Variants in NRCAM observed in about 807,000 individuals in gnomAD.
The protein encoded by NRCAM is NgCAM-related cell adhesion molecule.
In NRCAM, 83 loss-of-function variants were observed where a neutral mutation model predicts 156.5. The ratio of observed to expected loss-of-function variants is 0.53; its 90% confidence interval spans 0.44 to 0.64. NRCAM has a LOEUF of 0.64. NRCAM is among the 30% of genes least tolerant of loss of function. NRCAM has a pLI of 0.00. For missense variants in NRCAM, 1,417 were observed against 1,597.3 expected, an observed-to-expected ratio of 0.89 and a Z score of 1.92; for synonymous variants, 538 against 563.9, an observed-to-expected ratio of 0.95 and a Z score of 0.65.
chr7:108,246,955 G>C (rs931097693), intron 3 of NRCAM, among the ~76,000 whole-genome samples: 27 of 152,124 alleles, frequency 1.8e-4, no homozygotes, highest in Non-Finnish European at 3.8e-4. Flanking sequence ...GAAAAGAGGT[G>C]TGATGACCAT....
At position 108,208,843 on chromosome 7, in the gene NRCAM, A is replaced by C. The variant is rs144489310; in HGVS notation, c.1075+578T>G. On this transcript the variant is annotated intron_variant, in intron 12 of 32. Coordinates refer to ENST00000379028, the MANE Select transcript of NRCAM (RefSeq NM_001037132.4). ...GAATATATGATATCAAACATGACTTATTATTATTGACGTTAACATTCATCA... is the reference window on the plus strand; with the variant it reads ...GAATATATGATATCAAACATGACTTCTTATTATTGACGTTAACATTCATCA... Among the ~76,000 whole-genome samples the C allele has an allele frequency of 4.7e-3, 720 of 152,248 alleles. 6 individuals carry two copies. The highest frequency in any genetic ancestry group is 0.016 in the African/African-American group (679 of 41,546).
At chr7:108,187,539 ATGTC>A (rs1158594125) in intron 20 of NRCAM, among the ~76,000 whole-genome samples, 1 of 151,572 alleles carries the variant, frequency 6.6e-6, no homozygotes, top group Non-Finnish European at 1.5e-5. Context: ...CTAGCTCCAC[ATGTC>A]TTTCTGCTGA....
intron 32 of NRCAM, among the ~76,000 whole-genome samples, chr7:108,158,413 G>A (rs574218775): frequency 5.3e-5 from 8 of 152,174 alleles, no homozygotes; most frequent in African/African-American, 1.9e-4. Context: ...TTCTCAATCA[G>A]TTCTACATTT....
At position 108,182,787 on chromosome 7, in the gene NRCAM, G is replaced by A; in HGVS notation, c.2438C>T (p.Thr813Ile). 6.2e-7 allele frequency: 1 copy of A among 1,614,224 alleles called. No homozygotes were observed. Among genetic ancestry groups the A allele is most frequent in the East Asian group, 2.2e-5 (1 of 44,890 alleles). The change falls in exon 23 of 33, where the codon ACC (threonine) becomes ATC (isoleucine). Residue 813 changes from threonine to isoleucine, a missense_variant. By Grantham distance (89) the Thr-to-Ile change is moderately conservative. Around this residue, in one of 2 missense-constraint regions of NRCAM, gnomAD observed 1,238 missense variants for 1,336.4 expected, o/e 0.93. Transcript: ENST00000379028. Reference protein sequence around the residue: ...VSKYIVSGTPTFVPYLIKVQA... With the variant: ...VSKYIVSGTPIFVPYLIKVQA... Reference sequence around the variant, plus strand: ...AACTTTGATCAGGTATGGAACAAAGGTTGGCGTGCCTGAGACAATATATTT... The same window carrying A: ...AACTTTGATCAGGTATGGAACAAAGATTGGCGTGCCTGAGACAATATATTT...
At chr7:108,254,573 G>A (rs2096539051) in intron 3 of NRCAM, among the ~76,000 whole-genome samples, 1 of 107,888 alleles carries the variant, frequency 9.3e-6, no homozygotes, top group Non-Finnish European at 1.8e-5. Context: ...TTTTGAGATG[G>A]AACTAGCTCT....
chr7:108,334,432 C>T (rs1274238457), intron 2 of NRCAM, among the ~76,000 whole-genome samples: 7 of 152,140 alleles, frequency 4.6e-5, no homozygotes, highest in South Asian at 2.1e-4. Context: ...CCTACGACTC[C>T]GAATTGATCT....
chr7:108,156,024 GT>G (rs1284713375), intron 32 of NRCAM, among the ~76,000 whole-genome samples: 1 of 151,976 alleles, frequency 6.6e-6, no homozygotes, highest in Non-Finnish European at 1.5e-5. Context: ...TTTTCCTGTT[GT>G]TACCACCCTC....
chr7:108,207,387 A>T, intron 13 of NRCAM, 141 bp downstream of exon 13: 1 of 691,998 alleles, frequency 1.4e-6, no homozygotes, highest in Non-Finnish European at 2.4e-6. Flanking sequence ...TAAAATGCAA[A>T]GGTAATTTGG....
chr7:108,295,091 A>C (rs890786097), intron 3 of NRCAM, among the ~76,000 whole-genome samples: 43 of 152,318 alleles, frequency 2.8e-4, no homozygotes, highest in African/African-American at 9.4e-4. Context: ...ATTGTCAAGT[A>C]TTTTGCAGCC....
intron 2 of NRCAM, among the ~76,000 whole-genome samples, chr7:108,383,614 C>T (rs2099712936): frequency 6.6e-6 from 1 of 152,166 alleles, no homozygotes; most frequent in Non-Finnish European, 1.5e-5. Context: ...TAACTCTTGG[C>T]TACTTAGCCA....
chr7:108,180,841 T>C (rs2063044699), intron 24 of NRCAM, among the ~76,000 whole-genome samples: 1 of 152,220 alleles, frequency 6.6e-6, no homozygotes, highest in Non-Finnish European at 1.5e-5. Context: ...CAACCTATCA[T>C]GTAGTGATTG....
intron 2 of NRCAM, among the ~76,000 whole-genome samples, chr7:108,377,486 A>G (rs10953569): frequency 0.7 from 106,959 of 152,078 alleles, 38,077 homozygotes; most frequent in East Asian, 0.93. Context: ...GTAAGAATGG[A>G]AAAGATCAAA....
intron 5 of NRCAM, among the ~76,000 whole-genome samples, chr7:108,235,934 C>G (rs1296422145): frequency 6.6e-6 from 1 of 152,198 alleles, no homozygotes; most frequent in East Asian, 1.9e-4. Flanking sequence ...CTTTCCTCTG[C>G]ATCTGGGAAA....
At chr7:108,452,685 G>C (rs1851848424) in intron 1 of NRCAM, among the ~76,000 whole-genome samples, 1 of 152,222 alleles carries the variant, frequency 6.6e-6, no homozygotes, top group African/African-American at 2.4e-5. Flanking sequence ...AACAGCTGAA[G>C]ACTGAAGTAA....
rs762906676 is a variant in NRCAM at position 108,191,260 on chromosome 7, C to T, written c.1927G>A (p.Val643Ile). The change falls in exon 19 of 33, where the codon GTT (valine) becomes ATT (isoleucine). Residue 643 changes from valine to isoleucine, a missense_variant. Physicochemically the swap from Val to Ile is conservative, Grantham distance 29 (BLOSUM62 3). Around this residue, in one of 2 missense-constraint regions of NRCAM, gnomAD observed 1,238 missense variants for 1,336.4 expected, o/e 0.93. Transcript: ENST00000379028. ...VVAPTPTPAP[V>I]YDVPNPPFDL... ...AAGACTCATATTAGTTTACCGTAAA[C>T]GGGAGCTGGAGTTGGAGTAGGAGCT... The T allele has an allele frequency of 1.6e-5, 25 of 1,605,116 alleles. No individual in the cohort carries two copies. The highest frequency in any genetic ancestry group is 3.3e-4 in the Middle Eastern group (2 of 6,004).
At chr7:108,190,156 A>T (rs2070249517) in intron 19 of NRCAM, among the ~76,000 whole-genome samples, 2 of 152,272 alleles carry the variant, frequency 1.3e-5, no homozygotes, top group African/African-American at 4.8e-5. Flanking sequence ...GGTGCTGTTT[A>T]AAGAAAATTC....
At chr7:108,348,825 C>T (rs2099389142) in intron 2 of NRCAM, among the ~76,000 whole-genome samples, 1 of 150,920 alleles carries the variant, frequency 6.6e-6, no homozygotes, top group Non-Finnish European at 1.5e-5. Context: ...CACTGGAAAA[C>T]CCAGGAAGTG....
chr7:108,222,279 A>G (rs2092539409), intron 11 of NRCAM, among the ~76,000 whole-genome samples: 4 of 152,234 alleles, frequency 2.6e-5, no homozygotes, highest in Non-Finnish European at 5.9e-5. Context: ...ATTGTCAGGA[A>G]TTGGAAATAT....
intron 5 of NRCAM, among the ~76,000 whole-genome samples, chr7:108,235,477 G>A (rs545009080): frequency 6.6e-6 from 1 of 152,250 alleles, no homozygotes; most frequent in African/African-American, 2.4e-5. Flanking sequence ...TGTTATGACA[G>A]GAAGTGACTA....
Sources: allele counts gnomAD v4.1 joint callset (sites outside exome capture counted in the v4.1 genomes callset), GRCh38; gene constraint gnomAD v4.1.1; regional missense constraint gnomAD v4.1.1; transcripts MANE v1.5; gene names NCBI Gene and HGNC (gene_info 2026-07-23, HGNC 2026-07-21).